The following TCN2 variants were observed in gnomAD, a reference collection of about 807,000 sequenced individuals.
The protein encoded by TCN2 is transcobalamin-2.
A neutral mutation model predicts 48.6 loss-of-function variants in TCN2; 34 were observed. The observed-to-expected ratio is 0.70, with a 90% CI of 0.53 to 0.93. The LOEUF (loss-of-function observed/expected upper bound fraction) is 0.93, where lower values mean the gene tolerates loss of function less well. Ranked by LOEUF, TCN2 falls within the 40% of genes least tolerant of loss-of-function variation. The pLI is 0.00. For missense variants in TCN2, 652 were observed against 526.1 expected (o/e 1.24, Z -2.34); for synonymous variants, 283 against 212.5 (o/e 1.33, Z -2.89).
intron 7 of TCN2, among the ~76,000 whole-genome samples, chr22:30,619,027 C>T (rs1435542756): frequency 6.6e-6 from 1 of 152,204 alleles, no homozygotes; most frequent in African/African-American, 2.4e-5. Context: ...GCCTCAGCCT[C>T]CCAAAGTGCC....
At position 30,610,887 on chromosome 22, in the gene TCN2, C is replaced by T. The variant is rs2087528302; in HGVS notation, c.81C>T (p.Asp27=). The change falls in exon 2 of 9, where the codon GAC becomes GAT. Residue 27 remains aspartate, a synonymous_variant. Coordinates refer to ENST00000215838, the MANE Select transcript of TCN2 (RefSeq NM_000355.4). ...LTEMCEIPEM[D]SHLVEKLGQH... is the part of the protein sequence containing the mutation. The stretch of plus-strand genomic sequence containing the variant: ...TTTTCTAAGAAATACCAGAGATGGA[C>T]AGCCATCTGGTAGAGAAGTTGGGCC... 1.2e-6 allele frequency: 2 copies of T among 1,614,190 alleles called. No individual in the cohort carries two copies. Among genetic ancestry groups the T allele is most frequent in the South Asian group, 1.1e-5 (1 of 91,080 alleles).
intron 7 of TCN2, among the ~76,000 whole-genome samples, chr22:30,621,246 G>A (rs949253638): frequency 3.9e-5 from 6 of 151,996 alleles, no homozygotes; most frequent in Non-Finnish European, 7.4e-5. Context: ...ACCCACCTCC[G>A]CCTCCTCAAG....
Position 30,607,257 on chromosome 22 carries a change from C to T in TCN2, c.-75C>T, listed in dbSNP as rs2087466220. 6.6e-7 allele frequency: 1 copy of T among 1,520,712 alleles called. No homozygotes were observed. The highest frequency in any genetic ancestry group is 1.1e-5 in the South Asian group (1 of 89,132). 94.2% of individuals were successfully genotyped at this position (1,520,712 alleles called of 1,614,324 possible). The stretch of plus-strand genomic sequence containing the variant: ...TCTCGGAGCGGTGACCAGCTGTGGT[C>T]AGGAGAGCCTCAGCAGGGCCAGCCC... On this transcript the variant is annotated 5_prime_UTR_variant, in exon 1 of 9. Coordinates refer to ENST00000215838, the MANE Select transcript of TCN2 (RefSeq NM_000355.4).
intron 7 of TCN2, among the ~76,000 whole-genome samples, chr22:30,618,655 A>G (rs1487601739): frequency 6.6e-6 from 1 of 151,514 alleles, no homozygotes; most frequent in African/African-American, 2.4e-5. Flanking sequence ...CCGGCCATGT[A>G]TTTATTTAGG....
intron 8 of TCN2, 80 bp downstream of exon 8, chr22:30,623,163 C>G (rs2087723302): frequency 7.2e-7 from 1 of 1,396,274 alleles, no homozygotes; most frequent in Non-Finnish European, 1.0e-6. Context: ...CTCACCCCAG[C>G]TTTCCCTAGC....
rs1353790175 is a variant in TCN2, at chr22:30,615,747, C to G, written c.900C>G (p.Thr300=). 2 of 1,614,238 alleles carry G rather than the reference C, an allele frequency of 1.2e-6. No homozygotes were observed. The highest frequency in any genetic ancestry group is 8.5e-7 in the Non-Finnish European group (1 of 1,180,058). ...SQLLPVLNHK[T]YIDLIFPDCL... ...TGCTGCCCGTTCTGAACCACAAGAC[C>G]TACATTGATCTGATCTTCCCAGACT... The change falls in exon 6 of 9, where the codon ACC becomes ACG. Residue 300 remains threonine (T), a synonymous_variant. Transcript: ENST00000215838.
chr22:30,623,911 T>TACACACATATATATGTATACATATATAC (rs2087753617), intron 8 of TCN2, among the ~76,000 whole-genome samples: 1 of 46,020 alleles, frequency 2.2e-5, no homozygotes, highest in East Asian at 4.0e-4. Context: ...TACATATATA[T>TACACACATATATATGTATACATATATAC]ACACACATAT....
chr22:30,615,144 G>A (rs2087593289), intron 4 of TCN2, among the ~76,000 whole-genome samples, 157 bp from the exon 5 acceptor site: 1 of 152,120 alleles, frequency 6.6e-6, no homozygotes, highest in Admixed American at 6.6e-5. Flanking sequence ...GGCAGACCAG[G>A]TTGAGTTGGT....
rs763126779 is a variant in TCN2 at position 30,615,463 on chromosome 22, TG to T, written c.745del (p.Ala249HisfsTer6). 6.2e-7 allele frequency: 1 copy of T among 1,614,096 alleles called. No individual in the cohort carries two copies. Among genetic ancestry groups the T allele is most frequent in the Non-Finnish European group, 8.5e-7 (1 of 1,180,026 alleles). The stretch of plus-strand genomic sequence containing the variant: ...TTTGGGAATGTCTACAGCACCCCAT[TG>T]GCATTACAGGTGGGAAAGAGACCCT... ...GHFGNVYSTP[L>X]ALQFLMTSPM... On this transcript the variant is annotated frameshift_variant, in exon 5 of 9. Coordinates refer to ENST00000215838, the MANE Select transcript of TCN2 (RefSeq NM_000355.4). LOFTEE classifies it high-confidence loss of function.
At chr22:30,610,332 A>C in intron 1 of TCN2, 1 of 470,694 alleles carries the variant, frequency 2.1e-6, no homozygotes, top group South Asian at 1.6e-5. Context: ...TGGAAATTTG[A>C]TGTGTAACAC....
In TCN2 at chr22:30,623,067, C is replaced by T. The variant is rs1569045801; in HGVS notation, c.1206C>T (p.Asn402=). ...REFWQLLRDP[N]TPLLQGIADY... ...TCTGGCAGCTTCTCCGAGACCCCAACACCCCACTGTTGCAAGGTGAGTCAT... is the reference window on the plus strand; with the variant it reads ...TCTGGCAGCTTCTCCGAGACCCCAATACCCCACTGTTGCAAGGTGAGTCAT... The change falls in exon 8 of 9, where the codon AAC becomes AAT. Residue 402 remains asparagine (N), a synonymous_variant. Transcript: ENST00000215838. The T allele has an allele frequency of 3.7e-6, 6 of 1,614,026 alleles. No individual in the cohort carries two copies. Among genetic ancestry groups the T allele is most frequent in the Non-Finnish European group, 4.2e-6 (5 of 1,179,996 alleles).
chr22:30,625,176 CCATTG>C (rs1398797766), intron 8 of TCN2, among the ~76,000 whole-genome samples: 1 of 152,144 alleles, frequency 6.6e-6, no homozygotes, highest in Non-Finnish European at 1.5e-5. Context: ...TGAGATCACG[CCATTG>C]CATTTCAGCC....
chr22:30,615,079 A>G (rs2087592615), intron 4 of TCN2, among the ~76,000 whole-genome samples: 1 of 152,154 alleles, frequency 6.6e-6, no homozygotes, highest in South Asian at 2.1e-4. Flanking sequence ...TTTGCCCAGA[A>G]ATGAGCAGTT....
chr22:30,618,381 T>C (rs1029274797), intron 7 of TCN2, among the ~76,000 whole-genome samples: 1 of 152,062 alleles, frequency 6.6e-6, no homozygotes, highest in Non-Finnish European at 1.5e-5. Flanking sequence ...AGACAGAGCC[T>C]CTCTCTTTCA....
At chr22:30,614,924 A>C (rs146838779) in intron 4 of TCN2, among the ~76,000 whole-genome samples, 37 of 152,118 alleles carry the variant, frequency 2.4e-4, no homozygotes, top group African/African-American at 8.7e-4. Flanking sequence ...AAAAATAAAA[A>C]ATAAAATAAA....
At chr22:30,625,788 T>C (rs1023511582) in intron 8 of TCN2, among the ~76,000 whole-genome samples, 1 of 152,156 alleles carries the variant, frequency 6.6e-6, no homozygotes, top group Non-Finnish European at 1.5e-5. Flanking sequence ...CCTATCCCAT[T>C]GATGAGGCTC....
At chr22:30,617,275 T>C (rs1662942703) in intron 6 of TCN2, 55 bp from the exon 7 acceptor site, 2 of 1,611,562 alleles carry the variant, frequency 1.2e-6, no homozygotes, top group African/African-American at 1.3e-5. Flanking sequence ...AGAAGACAAA[T>C]AATCCAGGCT....
In TCN2 at chr22:30,617,504, C is replaced by A. The variant is rs776959202; in HGVS notation, c.1106+9C>A. The A allele has an allele frequency of 6.2e-7, 1 of 1,614,048 alleles. No homozygotes were observed. The highest frequency in any genetic ancestry group is 8.5e-7 in the Non-Finnish European group (1 of 1,180,022). On this transcript the variant is annotated intron_variant, in intron 7 of 8. Coordinates refer to ENST00000215838, the MANE Select transcript of TCN2 (RefSeq NM_000355.4). ...GAGTTAGGAGGATTCACGTGAGACT[C>A]CCACCTCCCAGTCCTCACCCCACCC...
At chr22:30,619,691 C>A (rs1162281839) in intron 7 of TCN2, among the ~76,000 whole-genome samples, 2 of 152,178 alleles carry the variant, frequency 1.3e-5, no homozygotes, top group East Asian at 3.8e-4. Context: ...AAAACAGCAT[C>A]CTGCATCCAG....
Sources: gnomAD v4.1 joint callset for allele counts (sites outside exome capture counted in the v4.1 genomes callset) on GRCh38, gnomAD v4.1.1 for gene constraint, MANE v1.5 for transcripts, NCBI Gene and HGNC (gene_info 2026-07-23, HGNC 2026-07-21) for gene names.